Variants in PTPN14 observed in about 807,000 individuals in gnomAD.
PTPN14 encodes the protein tyrosine-protein phosphatase non-receptor type 14.
PTPN14 carries 53 observed loss-of-function variants against 126.8 expected under a neutral mutation model. That is an observed-to-expected ratio of 0.42 (90% CI 0.34 to 0.53). The LOEUF (loss-of-function observed/expected upper bound fraction) is 0.53, where lower values mean the gene tolerates loss of function less well. Among genes scored for constraint, PTPN14 ranks in the 20% least tolerant of loss-of-function variants. PTPN14 has a pLI of 0.08. For missense variants in PTPN14, 1,257 were observed against 1,552.9 expected, an observed-to-expected ratio of 0.81 and a Z score of 3.20; for synonymous variants, 630 against 599.3, an observed-to-expected ratio of 1.05 and a Z score of -0.75.
rs1338881548 is a variant in PTPN14 at position 214,451,986 on chromosome 1, G to T, written c.175-12C>A. ...CCAAAGTAGTGCGTCTAGATAAAAGGGTAAAATAGCATCAGTTCATGCTCA... is the reference window on the plus strand; with the variant it reads ...CCAAAGTAGTGCGTCTAGATAAAAGTGTAAAATAGCATCAGTTCATGCTCA... On this transcript the variant is annotated splice_polypyrimidine_tract_variant and intron_variant, in intron 2 of 18. Transcript: ENST00000366956. The T allele has an allele frequency of 6.2e-7, 1 of 1,609,988 alleles. No homozygotes were observed. The highest frequency in any genetic ancestry group is 1.7e-5 in the Admixed American group (1 of 59,578).
Position 214,365,868 on chromosome 1 carries a change from TAAAA to T in PTPN14, c.3272-1197_3272-1194del, listed in dbSNP as rs557409809. 6.7e-3 allele frequency among the ~76,000 whole-genome samples: 1,016 copies of T among 151,806 alleles called. 13 individuals are homozygous for T. Among genetic ancestry groups the T allele is most frequent in the African/African-American group, 0.023 (953 of 41,382 alleles). On this transcript the variant is annotated intron_variant, in intron 17 of 18. Coordinates refer to ENST00000366956, the MANE Select transcript of PTPN14 (RefSeq NM_005401.5). The stretch of plus-strand genomic sequence containing the variant: ...TAATGTACAATGAGATAGGACAAAA[TAAAA>T]AAGAAAGAAGGGCTGGGCTCAGTGG...
intron 5 of PTPN14, among the ~76,000 whole-genome samples, chr1:214,403,310 T>G (rs1025665304): frequency 2.6e-5 from 4 of 152,208 alleles, no homozygotes; most frequent in Non-Finnish European, 4.4e-5. Flanking sequence ...GATTGGGGTA[T>G]AGGCCAATGA....
rs971354304 is a variant in PTPN14 at position 214,350,189 on chromosome 1, A to C, written c.*7733T>G. On this transcript the variant is annotated 3_prime_UTR_variant, in exon 19 of 19. Coordinates refer to ENST00000366956, the MANE Select transcript of PTPN14 (RefSeq NM_005401.5). The stretch of plus-strand genomic sequence containing the variant: ...CTTCCTAGGTAAGTGAAAACAGATA[A>C]AATGTTTCTGGGCAGCCCAAAGGTT... 2 of 152,216 alleles carry C rather than the reference A, an allele frequency of 1.3e-5. No individual in the cohort carries two copies. The highest frequency in any genetic ancestry group is 2.9e-5 in the Non-Finnish European group (2 of 68,038). The allele number at this position is 152,216 out of a possible 1,614,324, so 9.4% of individuals were successfully genotyped here.
chr1:214,491,091 C>A (rs1661237663), intron 1 of PTPN14, among the ~76,000 whole-genome samples: 1 of 151,558 alleles, frequency 6.6e-6, no homozygotes, highest in African/African-American at 2.4e-5. Flanking sequence ...GAAAGAAAGA[C>A]AAATTGCTTA....
intron 10 of PTPN14, among the ~76,000 whole-genome samples, chr1:214,393,280 C>T (rs1469800217): frequency 3.9e-5 from 6 of 152,278 alleles, no homozygotes; most frequent in African/African-American, 1.4e-4. Flanking sequence ...GTAAGCGACA[C>T]GGGGCTGAGG....
At chr1:214,528,130 G>A (rs1452579675) in intron 1 of PTPN14, 1 of 152,166 alleles carries the variant, frequency 6.6e-6, no homozygotes, top group African/African-American at 2.4e-5. Flanking sequence ...AAATCTGGCA[G>A]TATGTAAACT....
At chr1:214,433,958 A>C (rs879539568) in intron 3 of PTPN14, among the ~76,000 whole-genome samples, 36,115 of 105,256 alleles carry the variant, frequency 0.34, 4,952 homozygotes, top group Non-Finnish European at 0.4. Flanking sequence ...ACACAAAAAA[A>C]AAAAAAAAAA....
chr1:214,374,635 C>T (rs1321122449), intron 15 of PTPN14, among the ~76,000 whole-genome samples: 2 of 152,192 alleles, frequency 1.3e-5, no homozygotes, highest in Non-Finnish European at 2.9e-5. Flanking sequence ...AAAACACTGG[C>T]AAAATATACT....
chr1:214,367,357 T>C (rs1012575711), intron 17 of PTPN14, among the ~76,000 whole-genome samples: 6 of 152,226 alleles, frequency 3.9e-5, no homozygotes, highest in African/African-American at 1.4e-4. Flanking sequence ...TTCTACTCTC[T>C]GCTTTCAGTG....
At chr1:214,387,200 T>A (rs2102543567) in intron 11 of PTPN14, among the ~76,000 whole-genome samples, 1 of 152,376 alleles carries the variant, frequency 6.6e-6, no homozygotes, top group Non-Finnish European at 1.5e-5. Flanking sequence ...AACCATTTAC[T>A]ATCTATGTTC....
intron 3 of PTPN14, among the ~76,000 whole-genome samples, chr1:214,439,925 T>A (rs1413087990): frequency 6.6e-5 from 10 of 152,224 alleles, no homozygotes; most frequent in Non-Finnish European, 1.3e-4. Context: ...CTCAAAGAAG[T>A]GCCTGTTTCC....
intron 1 of PTPN14, among the ~76,000 whole-genome samples, chr1:214,534,712 CAATAAATA>C (rs138500520): frequency 7.1e-5 from 10 of 141,686 alleles, no homozygotes; most frequent in East Asian, 2.1e-4. Context: ...GACTCCTTCT[CAATAAATA>C]AATAAATAAA....
Position 214,384,466 on chromosome 1 carries a change from G to C in PTPN14, c.1389C>G (p.Ser463Arg), listed in dbSNP as rs1295608324. ...TAATGTTGAGGTTTCTCAGAGACTG[G>C]CTCTGGCTGTCTGTATGCAGGATCC... Reference protein sequence around the residue: ...KRGILHTDSQSQSLRNLNIIN... With the variant: ...KRGILHTDSQRQSLRNLNIIN... Residue 463 changes from serine (S) to arginine (R), a missense_variant, in exon 13 of 19, where the codon AGC (serine) becomes AGG (arginine). Around this residue, in one of 3 missense-constraint regions of PTPN14, gnomAD observed 1,021 missense variants for 1,183.3 expected, o/e 0.86. Transcript: ENST00000366956. The surrounding 1 kb of genome is among the most constrained non-coding windows in gnomAD (Gnocchi z 5.3). 1 of 1,614,124 alleles carries C rather than the reference G, an allele frequency of 6.2e-7. No individual in the cohort carries two copies. Among genetic ancestry groups the C allele is most frequent in the Non-Finnish European group, 8.5e-7 (1 of 1,180,030 alleles).
chr1:214,445,498 T>G (rs781650407), intron 3 of PTPN14, among the ~76,000 whole-genome samples: 1 of 151,728 alleles, frequency 6.6e-6, no homozygotes, highest in Admixed American at 6.6e-5. Context: ...TCCTGTGCAC[T>G]GTGCAACCAT....
chr1:214,460,600 CACACACACACAT>C (rs1454185522), intron 2 of PTPN14, among the ~76,000 whole-genome samples: 24 of 146,102 alleles, frequency 1.6e-4, no homozygotes, highest in East Asian at 4.0e-4. Context: ...AATTCTAACA[CACACACACACAT>C]ACACACACAC....
intron 5 of PTPN14, among the ~76,000 whole-genome samples, chr1:214,404,147 G>A (rs1471680763): frequency 3.9e-5 from 6 of 152,246 alleles, no homozygotes; most frequent in African/African-American, 1.4e-4. Context: ...CCTCAAAACT[G>A]TGAAAAACAT....
intron 3 of PTPN14, among the ~76,000 whole-genome samples, chr1:214,447,266 C>T (rs926842928): frequency 2.6e-5 from 4 of 152,098 alleles, no homozygotes; most frequent in Admixed American, 1.3e-4. Flanking sequence ...ATATTCAGTT[C>T]GGACCTCAGA....
At chr1:214,446,414 T>C (rs548417132) in intron 3 of PTPN14, among the ~76,000 whole-genome samples, 15 of 152,232 alleles carry the variant, frequency 9.9e-5, no homozygotes, top group African/African-American at 3.6e-4. Flanking sequence ...CCCTCACTTA[T>C]GAAGGGACTT....
intron 16 of PTPN14, 129 bp downstream of exon 16, chr1:214,372,582 G>A: frequency 1.5e-6 from 2 of 1,344,306 alleles, no homozygotes; most frequent in Admixed American, 3.5e-5. Flanking sequence ...ATACCAAAGA[G>A]AAAAGCATGT....
Sources: gnomAD v4.1 joint callset for allele counts (sites outside exome capture counted in the v4.1 genomes callset) on GRCh38, gnomAD v4.1.1 for gene constraint, gnomAD v4.1.1 regional missense constraint, Gnocchi (gnomAD v3.1) non-coding constraint, MANE v1.5 for transcripts, NCBI Gene and HGNC (gene_info 2026-07-23, HGNC 2026-07-21) for gene names.